The following APOL4 variants were observed in gnomAD, a reference collection of about 807,000 sequenced individuals.
APOL4 encodes the protein apolipoprotein L4.
In APOL4, 14 loss-of-function variants were observed where a neutral mutation model predicts 12.1. The observed-to-expected ratio is 1.16, with a 90% CI of 0.76 to 1.81. The LOEUF is 1.81. Among genes scored for constraint, APOL4 ranks in the 40% most tolerant of loss-of-function variants. APOL4 has a pLI of 0.00. For missense variants in APOL4, 432 were observed against 423.1 expected, an observed-to-expected ratio of 1.02 and a Z score of -0.18; for synonymous variants, 171 against 160.6, an observed-to-expected ratio of 1.06 and a Z score of -0.49.
rs769626300 is a variant in APOL4 at position 36,191,922 on chromosome 22, T to C, written c.210-10A>G. The C allele has an allele frequency of 8.3e-6, 13 of 1,567,600 alleles. No individual in the cohort carries two copies. The Admixed American group carries it at 2.2e-4, about 26-fold the overall frequency. Reference sequence around the variant, plus strand: ...AGCATCTGCCTCTTCCCTGTACCAATAAAGGACAGATGATTAAGAAAGGCA... The same window carrying C: ...AGCATCTGCCTCTTCCCTGTACCAACAAAGGACAGATGATTAAGAAAGGCA... On this transcript the variant is annotated splice_polypyrimidine_tract_variant and intron_variant, in intron 3 of 3. Transcript: ENST00000683024.
upstream of APOL4, among the ~76,000 whole-genome samples, chr22:36,203,610 A>T (rs1435874950): frequency 6.6e-6 from 1 of 152,204 alleles, no homozygotes; most frequent in Non-Finnish European, 1.5e-5. Context: ...AATCCATGGA[A>T]ACAGGACGTG....
rs1385378118 is a variant in APOL4, at chr22:36,195,582, A to G, written c.83-145T>C. 8.1e-6 allele frequency: 7 copies of G among 863,542 alleles called. No homozygotes were observed. The Admixed American group carries it at 1.7e-4, about 21-fold the overall frequency. 53.5% of individuals were successfully genotyped at this position (863,542 alleles called of 1,614,324 possible). Reference sequence around the variant, plus strand: ...TGGAGGCACCAGTGCTATAGACTGAATTGTGTGCCCCCCAAATTCAAATAC... The same window carrying G: ...TGGAGGCACCAGTGCTATAGACTGAGTTGTGTGCCCCCCAAATTCAAATAC... On this transcript the variant is annotated intron_variant, in intron 2 of 3. Coordinates refer to ENST00000683024, the MANE Select transcript of APOL4 (RefSeq NM_001386885.1).
intron 2 of APOL4, chr22:36,197,661 T>C (rs1317416527): frequency 6.5e-7 from 1 of 1,549,712 alleles, no homozygotes; most frequent in East Asian, 2.4e-5. Flanking sequence ...AAACACAGCT[T>C]AACCTCGGCC....
chr22:36,201,691 C>T lies in APOL4; in HGVS notation c.35+9G>A, dbSNP rs376753064. 2.0e-5 allele frequency: 32 copies of T among 1,603,056 alleles called. 1 individual carries two copies. The South Asian group carries it at 2.1e-4, about 11-fold the overall frequency. Reference sequence around the variant, plus strand: ...GCAGGAGGGCAGAGAGCTGGGGCCTCGGACTCACCCGACGCTTGTGATGAG... The same window carrying T: ...GCAGGAGGGCAGAGAGCTGGGGCCTTGGACTCACCCGACGCTTGTGATGAG... On this transcript the variant is annotated intron_variant, in intron 1 of 3. Transcript: ENST00000683024.
At chr22:36,196,473 T>C (rs1479055079) in intron 2 of APOL4, among the ~76,000 whole-genome samples, 1 of 152,172 alleles carries the variant, frequency 6.6e-6, no homozygotes, top group Non-Finnish European at 1.5e-5. Flanking sequence ...AAGGTACAAA[T>C]GTTTCAACCA....
At chr22:36,197,964 T>A in intron 2 of APOL4, 2 of 1,348,362 alleles carry the variant, frequency 1.5e-6, no homozygotes, top group Non-Finnish European at 1.9e-6. Flanking sequence ...AGAAGTTCCA[T>A]GCTTGCAACA....
In APOL4 at chr22:36,190,982, A is replaced by T. The variant is rs949303542; in HGVS notation, c.*93T>A. ...AAAGTATTAATTTGGGGAACTAATAAATGTCCATGAAATCTTCACAATCCA... is the reference window on the plus strand; with the variant it reads ...AAAGTATTAATTTGGGGAACTAATATATGTCCATGAAATCTTCACAATCCA... On this transcript the variant is annotated 3_prime_UTR_variant, in exon 4 of 4. Coordinates refer to ENST00000683024, the MANE Select transcript of APOL4 (RefSeq NM_001386885.1). The T allele has an allele frequency of 1.8e-6, 2 of 1,111,880 alleles. No individual in the cohort carries two copies. The highest frequency in any genetic ancestry group is 2.5e-6 in the Non-Finnish European group (2 of 792,630). 68.9% of individuals were successfully genotyped at this position (1,111,880 alleles called of 1,614,324 possible). A position where few individuals can be genotyped will look rare whatever the true frequency, so the allele number is the denominator to read the frequency against.
intron 2 of APOL4, chr22:36,197,627 C>T (rs976516004): frequency 2.2e-5 from 34 of 1,539,978 alleles, no homozygotes; most frequent in Non-Finnish European, 2.8e-5. Context: ...GGGGTCATAT[C>T]AGATGGGCGC....
rs780866198 is a variant in APOL4 at position 36,191,792 on chromosome 22, A to G, written c.330T>C (p.Pro110=). Residue 110 remains proline, a synonymous_variant, in exon 4 of 4, where the codon CCT becomes CCC. Transcript: ENST00000683024. ...QFREWFLKEF[P]QIRWKIQESI... ...ACTCCTGAATCTTCCATCTGATTTG[A>G]GGAAACTCTTTCAAAAACCACTCCC... 6.3e-7 allele frequency: 1 copy of G among 1,585,622 alleles called. No individual in the cohort carries two copies. The highest frequency in any genetic ancestry group is 8.6e-7 in the Non-Finnish European group (1 of 1,162,242).
chr22:36,190,498 A>T lies in APOL4; in HGVS notation c.*577T>A, dbSNP rs892395330. ...TTCATCCCTACAGTCTCGACCATAG[A>T]AGATGGCCACACCCAAGGAGGCCAT... On this transcript the variant is annotated 3_prime_UTR_variant, in exon 4 of 4. Transcript: ENST00000683024. 1 of 154,304 alleles carries T rather than the reference A, an allele frequency of 6.5e-6. No individual in the cohort carries two copies. The highest frequency in any genetic ancestry group is 1.4e-5 in the Non-Finnish European group (1 of 69,440). 9.6% of individuals were successfully genotyped at this position (154,304 alleles called of 1,614,324 possible).
chr22:36,202,520 G>A (rs1229436634), upstream of APOL4, among the ~76,000 whole-genome samples: 1 of 152,178 alleles, frequency 6.6e-6, no homozygotes, highest in Non-Finnish European at 1.5e-5. Flanking sequence ...AAGGTCAGGA[G>A]ATGGAGACCA....
chr22:36,203,277 G>A (rs2014636791), upstream of APOL4, among the ~76,000 whole-genome samples: 1 of 152,156 alleles, frequency 6.6e-6, no homozygotes, highest in Non-Finnish European at 1.5e-5. Flanking sequence ...ACCGCCTTCT[G>A]GTCAACAATG....
chr22:36,199,608 C>T lies in APOL4; in HGVS notation c.36-232G>A, dbSNP rs761515848. 4 of 1,553,602 alleles carry T rather than the reference C, an allele frequency of 2.6e-6. No homozygotes were observed. In the African/African-American group the frequency reaches 5.5e-5, roughly 21 times the overall value. ...TCACACCAAGGAAAAGTCCGCTTGT[C>T]CTGTTGGAGAATGAGGAGAAGATAA... On this transcript the variant is annotated intron_variant, in intron 1 of 3. Coordinates refer to ENST00000683024, the MANE Select transcript of APOL4 (RefSeq NM_001386885.1).
rs2014267484 is a variant in APOL4, at chr22:36,191,885, A to C, written c.237T>G (p.Ala79=). 6.2e-7 allele frequency: 1 copy of C among 1,605,354 alleles called. No homozygotes were observed. Among genetic ancestry groups the C allele is most frequent in the Non-Finnish European group, 8.5e-7 (1 of 1,177,858 alleles). ...PREEADALYE[A]LKNLTPYVAI... is the part of the protein sequence containing the mutation. Reference sequence around the variant, plus strand: ...CCACATATGGTGTAAGATTCTTCAGAGCTTCATAGAGAGCATCTGCCTCTT... The same window carrying C: ...CCACATATGGTGTAAGATTCTTCAGCGCTTCATAGAGAGCATCTGCCTCTT... The change falls in exon 4 of 4, where the codon GCT becomes GCG. Residue 79 remains alanine (A), a synonymous_variant. Transcript: ENST00000683024.
intron 3 of APOL4, among the ~76,000 whole-genome samples, chr22:36,192,321 C>T (rs1458361682): frequency 6.6e-6 from 1 of 152,146 alleles, no homozygotes; most frequent in Non-Finnish European, 1.5e-5. Flanking sequence ...GCCTGGGCGA[C>T]AGAGCGAGAC....
At position 36,191,393 on chromosome 22, in the gene APOL4, A is replaced by G. The variant is rs1027195092; in HGVS notation, c.729T>C (p.Asp243=). The G allele has an allele frequency of 5.0e-6, 8 of 1,614,084 alleles. No homozygotes were observed. The Admixed American group carries it at 5.0e-5, about 10-fold the overall frequency. Residue 243 remains aspartate (D), a synonymous_variant, in exon 4 of 4, where the codon GAT becomes GAC. Transcript: ENST00000683024. ...CTTTAGATCTCCTGAGTGTATGGACATCATTCGCAATCATTTTTGTGGCTT... is the reference window on the plus strand; with the variant it reads ...CTTTAGATCTCCTGAGTGTATGGACGTCATTCGCAATCATTTTTGTGGCTT... ...FDEATKMIAN[D]VHTLRRSKAT...
chr22:36,194,845 ACTTTTCCCAAAGAAAGT>A (rs1181401648), intron 3 of APOL4, among the ~76,000 whole-genome samples: 2 of 152,176 alleles, frequency 1.3e-5, no homozygotes, highest in Non-Finnish European at 2.9e-5. Flanking sequence ...GATTTTTCTG[ACTTTTCCCAAAGAAAGT>A]CCTGCTGGGC....
At chr22:36,202,168 G>GCCAT (rs1569531557), upstream of APOL4, 1 of 1,421,120 alleles carries the variant, frequency 7.0e-7, no homozygotes, top group African/African-American at 1.4e-5. Flanking sequence ...GGGCTTTGAC[G>GCCAT]CCATCCTAGC....
chr22:36,198,192 C>T (rs1359204692), intron 2 of APOL4, among the ~76,000 whole-genome samples: 2 of 152,204 alleles, frequency 1.3e-5, no homozygotes, highest in Non-Finnish European at 1.5e-5. Context: ...CAAATTCTTT[C>T]TCTCTTCGTT....
Sources: allele counts gnomAD v4.1 joint callset (sites outside exome capture counted in the v4.1 genomes callset), GRCh38; gene constraint gnomAD v4.1.1; transcripts MANE v1.5; gene names NCBI Gene and HGNC (gene_info 2026-07-23, HGNC 2026-07-21).